Variants in SDK1 observed in about 807,000 individuals in gnomAD.
The protein encoded by SDK1 is protein sidekick-1.
SDK1 carries 157 observed loss-of-function variants against 245.5 expected under a neutral mutation model. The ratio of observed to expected loss-of-function variants is 0.64; its 90% confidence interval spans 0.56 to 0.73. SDK1 has a LOEUF of 0.73. Among genes scored for constraint, SDK1 ranks in the 30% least tolerant of loss-of-function variants. The pLI is 0.00. For missense variants in SDK1, 3,583 were observed against 3,002.3 expected (o/e 1.19, Z -4.52); for synonymous variants, 1,647 against 1,278.5 (o/e 1.29, Z -6.15).
At chr7:4,172,064 A>C (rs631738) in intron 32 of SDK1, among the ~76,000 whole-genome samples, 98,666 of 152,076 alleles carry the variant, frequency 0.65, 32,291 homozygotes, top group East Asian at 0.76. Flanking sequence ...CAGGGCCTCT[A>C]AGACACGGAT....
At chr7:3,794,402 G>T (rs554417060) in intron 4 of SDK1, among the ~76,000 whole-genome samples, 3 of 152,254 alleles carry the variant, frequency 2.0e-5, no homozygotes, top group East Asian at 1.9e-4. Flanking sequence ...GACATGCTGT[G>T]GTTTGAATGT....
rs901793117 is a variant in SDK1, at chr7:4,180,968, C to T, written c.5098+2382C>T. 5.9e-5 allele frequency among the ~76,000 whole-genome samples: 9 copies of T among 152,258 alleles called. No individual in the cohort carries two copies. The South Asian group carries it at 1.5e-3, about 25-fold the overall frequency. ...ATAAGTCTGTCATCGTGGTAAGATG[C>T]GTATAACATGGAAAGCATTCTCCGT... On this transcript the variant is annotated intron_variant, in intron 35 of 44. Transcript: ENST00000404826.
At chr7:3,503,871 G>A (rs1583963999) in intron 1 of SDK1, among the ~76,000 whole-genome samples, 1 of 152,056 alleles carries the variant, frequency 6.6e-6, no homozygotes, top group Non-Finnish European at 1.5e-5. Flanking sequence ...GTAGATAAAG[G>A]CAAGGCATGG....
intron 5 of SDK1, among the ~76,000 whole-genome samples, chr7:3,854,558 A>G (rs77204262): frequency 0.055 from 8,385 of 152,230 alleles, 746 homozygotes; most frequent in African/African-American, 0.19. Context: ...CAACACGAAG[A>G]TCTTTCAATG....
intron 1 of SDK1, among the ~76,000 whole-genome samples, chr7:3,316,432 A>C (rs1460356698): frequency 6.6e-6 from 1 of 152,192 alleles, no homozygotes; most frequent in African/African-American, 2.4e-5. Flanking sequence ...CATAACATCT[A>C]GGTTTGTGTA....
intron 25 of SDK1, among the ~76,000 whole-genome samples, chr7:4,121,848 G>C (rs767280414): frequency 3.9e-5 from 6 of 152,092 alleles, no homozygotes; most frequent in Non-Finnish European, 8.8e-5. Flanking sequence ...GTATTTTTTA[G>C]TTTCTAATTG....
intron 1 of SDK1, among the ~76,000 whole-genome samples, chr7:3,313,945 G>A (rs1241941709): frequency 6.6e-6 from 1 of 152,152 alleles, no homozygotes; most frequent in Non-Finnish European, 1.5e-5. Flanking sequence ...AAAAATGTAT[G>A]TGAGCAGGAG....
chr7:3,785,981 C>G (rs1409948238), intron 4 of SDK1, among the ~76,000 whole-genome samples: 1 of 152,204 alleles, frequency 6.6e-6, no homozygotes, highest in Non-Finnish European at 1.5e-5. Flanking sequence ...TTAGGTCATG[C>G]ATCTTGTTTT....
chr7:3,533,394 T>G (rs991575261), intron 1 of SDK1, among the ~76,000 whole-genome samples: 2 of 152,204 alleles, frequency 1.3e-5, no homozygotes, highest in South Asian at 4.1e-4. Context: ...AGGGAGGACT[T>G]CCATTTGACT....
At chr7:3,798,658 C>T (rs969338561) in intron 4 of SDK1, among the ~76,000 whole-genome samples, 1 of 152,168 alleles carries the variant, frequency 6.6e-6, no homozygotes, top group Non-Finnish European at 1.5e-5. Context: ...CTGGCAGCGA[C>T]AGGGTGGTCA....
At chr7:4,248,636 G>T (rs185160305) in intron 44 of SDK1, among the ~76,000 whole-genome samples, 1 of 150,066 alleles carries the variant, frequency 6.7e-6, no homozygotes, top group Non-Finnish European at 1.5e-5. Flanking sequence ...ACACACACAT[G>T]TACACATACC....
intron 4 of SDK1, among the ~76,000 whole-genome samples, chr7:3,755,938 A>G (rs983169926): frequency 2.6e-5 from 4 of 151,390 alleles, no homozygotes; most frequent in African/African-American, 4.9e-5. Flanking sequence ...ACACATGTAT[A>G]TCGTTTTAAC....
intron 4 of SDK1, among the ~76,000 whole-genome samples, chr7:3,784,421 A>T (rs1562441054): frequency 6.6e-6 from 1 of 152,084 alleles, no homozygotes; most frequent in Non-Finnish European, 1.5e-5. Context: ...CTATAAAACT[A>T]ATCTACAGAG....
At chr7:4,168,110 C>T (rs1388968728) in intron 32 of SDK1, among the ~76,000 whole-genome samples, 3 of 152,188 alleles carry the variant, frequency 2.0e-5, no homozygotes, top group Non-Finnish European at 2.9e-5. Context: ...GTGAAGCCAC[C>T]GGACCCTTTG....
At chr7:4,166,610 T>G (rs1163369779) in intron 32 of SDK1, among the ~76,000 whole-genome samples, 2 of 152,142 alleles carry the variant, frequency 1.3e-5, no homozygotes, top group African/African-American at 4.8e-5. Context: ...AGGACCAAAC[T>G]CCGGAGAGAA....
At chr7:4,252,833 C>T (rs917177370) in intron 44 of SDK1, among the ~76,000 whole-genome samples, 1 of 140,838 alleles carries the variant, frequency 7.1e-6, no homozygotes, top group Admixed American at 6.9e-5. Context: ...TTCCCCCCCC[C>T]TCTTTTTTTT....
At chr7:4,247,147 T>C (rs1451796920) in intron 44 of SDK1, among the ~76,000 whole-genome samples, 3 of 152,172 alleles carry the variant, frequency 2.0e-5, no homozygotes, top group Non-Finnish European at 4.4e-5. Flanking sequence ...TCTAAATCAA[T>C]ATTTAATCTA....
At chr7:3,525,010 A>C (rs879692593) in intron 1 of SDK1, among the ~76,000 whole-genome samples, 5 of 152,206 alleles carry the variant, frequency 3.3e-5, no homozygotes, top group Non-Finnish European at 5.9e-5. Flanking sequence ...GTGGAAAAAA[A>C]CCAATACAAC....
chr7:3,486,079 GC>G (rs1231447086), intron 1 of SDK1, among the ~76,000 whole-genome samples: 1 of 151,820 alleles, frequency 6.6e-6, no homozygotes, highest in East Asian at 1.9e-4. Context: ...TATGCTTAGT[GC>G]TTTTTTCCCC....
Sources: gnomAD v4.1 joint callset for allele counts (sites outside exome capture counted in the v4.1 genomes callset) on GRCh38, gnomAD v4.1.1 for gene constraint, MANE v1.5 for transcripts, NCBI Gene and HGNC (gene_info 2026-07-23, HGNC 2026-07-21) for gene names.